MRPS9: variants seen among roughly 807,000 people sequenced by gnomAD.
The protein encoded by MRPS9 is mitochondrial ribosomal protein S9.
A neutral mutation model predicts 59.9 loss-of-function variants in MRPS9; 45 were observed. The ratio of observed to expected loss-of-function variants is 0.75; its 90% confidence interval spans 0.59 to 0.96. The LOEUF is 0.96. MRPS9 is among the 40% of genes least tolerant of loss of function. MRPS9 has a pLI of 0.00. For missense variants in MRPS9, 473 were observed against 481.1 expected, an observed-to-expected ratio of 0.98 and a Z score of 0.16; for synonymous variants, 171 against 166.8, an observed-to-expected ratio of 1.03 and a Z score of -0.19.
chr2:105,047,636 AAGGTTGAGAACTAC>A (rs1679617141), intron 1 of MRPS9, among the ~76,000 whole-genome samples: 1 of 152,066 alleles, frequency 6.6e-6, no homozygotes, highest in African/African-American at 2.4e-5. Context: ...GGCCAGGATG[AAGGTTGAGAACTAC>A]AGGTTTGAGA....
At chr2:105,066,799 C>T (rs936083631) in intron 2 of MRPS9, among the ~76,000 whole-genome samples, 1 of 152,070 alleles carries the variant, frequency 6.6e-6, no homozygotes. Context: ...TGACTGAGAA[C>T]GAGGCCTGAG....
At chr2:105,074,205 T>TA (rs1491071763) in intron 4 of MRPS9, among the ~76,000 whole-genome samples, 2 of 151,954 alleles carry the variant, frequency 1.3e-5, no homozygotes, top group Non-Finnish European at 2.9e-5. Context: ...TAAGAAAGAC[T>TA]GAATATAAAT....
rs1022301070 is a variant in MRPS9 at position 105,099,694 on chromosome 2, G to A, written c.1124G>A (p.Arg375His). ...RQAGLLTTDP[R>H]VRERKKPGQE... ...GCTGGACTACTTACTACTGATCCAC[G>A]TGTGAGGGAACGGAAGAAGCCAGGC... The change falls in exon 11 of 11, where the codon CGT (arginine) becomes CAT (histidine). Residue 375 changes from arginine to histidine, a missense_variant. Physicochemically the swap from Arg to His is conservative, Grantham distance 29 (BLOSUM62 0). Transcript: ENST00000258455. 1.7e-5 allele frequency: 28 copies of A among 1,614,090 alleles called. No individual in the cohort carries two copies. Among genetic ancestry groups the A allele is most frequent in the Non-Finnish European group, 2.2e-5 (26 of 1,180,016 alleles).
At chr2:105,050,126 AT>A (rs1348993518) in intron 2 of MRPS9, among the ~76,000 whole-genome samples, 2 of 150,518 alleles carry the variant, frequency 1.3e-5, no homozygotes, top group Admixed American at 6.7e-5. Flanking sequence ...AACCAGAAGG[AT>A]TTTTTTCTTT....
At position 105,066,823 on chromosome 2, in the gene MRPS9, A is replaced by C. The variant is rs568580272; in HGVS notation, c.316-4490A>C. The stretch of plus-strand genomic sequence containing the variant: ...ACGAGGCCTGAGGTCTAGATGGCCC[A>C]CAAGTGCTGTAGGCTAGTGTTGGCT... On this transcript the variant is annotated intron_variant, in intron 2 of 10. Transcript: ENST00000258455. Among the ~76,000 whole-genome samples, 18 of 152,288 alleles carry C rather than the reference A, an allele frequency of 1.2e-4. No individual in the cohort carries two copies. The East Asian group carries it at 3.3e-3, about 28-fold the overall frequency.
At chr2:105,057,505 A>G (rs11895677) in intron 2 of MRPS9, among the ~76,000 whole-genome samples, 89 of 152,308 alleles carry the variant, frequency 5.8e-4, no homozygotes, top group African/African-American at 1.8e-3. Flanking sequence ...ATGGAAACTG[A>G]AGAACTAAGC....
At chr2:105,043,798 C>T (rs1679543532) in intron 1 of MRPS9, among the ~76,000 whole-genome samples, 1 of 151,236 alleles carries the variant, frequency 6.6e-6, no homozygotes, top group African/African-American at 2.4e-5. Context: ...CCACACCCAG[C>T]TGATTTTTAT....
rs182513526 is a variant in MRPS9, at chr2:105,042,058, A to T, written c.135+3831A>T. Among the ~76,000 whole-genome samples the T allele has an allele frequency of 5.0e-3, 758 of 152,294 alleles. 3 individuals carry two copies. Among genetic ancestry groups the T allele is most frequent in the Non-Finnish European group, 7.8e-3 (532 of 68,004 alleles). On this transcript the variant is annotated intron_variant, in intron 1 of 10. Transcript: ENST00000258455. ...AGGATGATGAACGTATCAGTTATTT[A>T]TTGCTACATAACAAATTATCCTAAA...
chr2:105,097,576 C>A (rs112952528), intron 10 of MRPS9, among the ~76,000 whole-genome samples: 11 of 152,166 alleles, frequency 7.2e-5, no homozygotes, highest in African/African-American at 2.4e-4. Context: ...ATGTTCAGTT[C>A]CAAGGTCAGG....
At chr2:105,073,557 A>T (rs1680153541) in intron 4 of MRPS9, among the ~76,000 whole-genome samples, 1 of 152,140 alleles carries the variant, frequency 6.6e-6, no homozygotes, top group Non-Finnish European at 1.5e-5. Context: ...ATAGATTTTG[A>T]CACTTATAGT....
chr2:105,078,694 C>G (rs964407028), intron 4 of MRPS9, among the ~76,000 whole-genome samples: 1 of 152,088 alleles, frequency 6.6e-6, no homozygotes, highest in Non-Finnish European at 1.5e-5. Flanking sequence ...AGACATCCTA[C>G]ATATAATACA....
intron 5 of MRPS9, among the ~76,000 whole-genome samples, chr2:105,087,660 G>A (rs367577639): frequency 8.5e-4 from 130 of 152,130 alleles, no homozygotes; most frequent in African/African-American, 3.0e-3. Flanking sequence ...AATCTCCCCA[G>A]CCAAAAGGAA....
intron 5 of MRPS9, among the ~76,000 whole-genome samples, chr2:105,081,562 C>A (rs1680348202): frequency 6.6e-6 from 1 of 152,146 alleles, no homozygotes; most frequent in South Asian, 2.1e-4. Context: ...AACCCAAGGG[C>A]AAGATATTTT....
chr2:105,078,608 T>C (rs1296782807), intron 4 of MRPS9, among the ~76,000 whole-genome samples: 1 of 152,126 alleles, frequency 6.6e-6, no homozygotes, highest in Non-Finnish European at 1.5e-5. Flanking sequence ...AAGAATTTGG[T>C]TTTTCAAGCT....
At chr2:105,091,650 T>A (rs1229752317) in intron 7 of MRPS9, among the ~76,000 whole-genome samples, 3 of 152,234 alleles carry the variant, frequency 2.0e-5, no homozygotes, top group African/African-American at 7.2e-5. Flanking sequence ...TATAAAAAAC[T>A]GAGTTTCACA....
Position 105,038,144 on chromosome 2 carries a change from C to G in MRPS9, c.52C>G (p.Leu18Val). The change falls in exon 1 of 11, where the codon CTC becomes GTC. Residue 18 changes from leucine (L) to valine (V), a missense_variant. Transcript: ENST00000258455. Reference sequence around the variant, plus strand: ...CGGAGCAGTTTCGTACCGGCTTCTTCTCTGGGGTAGGGGTAGCCTCGCCCG... The same window carrying G: ...CGGAGCAGTTTCGTACCGGCTTCTTGTCTGGGGTAGGGGTAGCCTCGCCCG... Reference protein sequence around the residue: ...YGGAVSYRLLLWGRGSLARKQ... With the variant: ...YGGAVSYRLLVWGRGSLARKQ... The G allele has an allele frequency of 6.2e-7, 1 of 1,613,876 alleles. No homozygotes were observed. Among genetic ancestry groups the G allele is most frequent in the Non-Finnish European group, 8.5e-7 (1 of 1,179,946 alleles).
chr2:105,086,709 C>T (rs1045927901), intron 5 of MRPS9, among the ~76,000 whole-genome samples: 1 of 152,158 alleles, frequency 6.6e-6, no homozygotes, highest in African/African-American at 2.4e-5. Context: ...GGACTCTGGA[C>T]GCGGCAGCTG....
intron 2 of MRPS9, among the ~76,000 whole-genome samples, chr2:105,069,677 G>T (rs1296830959): frequency 6.6e-6 from 1 of 152,142 alleles, no homozygotes; most frequent in East Asian, 1.9e-4. Context: ...TGCTGTATAT[G>T]ATGTGAGGTT....
chr2:105,082,272 G>A (rs1386489682), intron 5 of MRPS9, among the ~76,000 whole-genome samples: 1 of 152,168 alleles, frequency 6.6e-6, no homozygotes, highest in African/African-American at 2.4e-5. Context: ...CAGGGTAACA[G>A]ACACTAAGCC....
Sources: gnomAD v4.1 joint callset for allele counts (sites outside exome capture counted in the v4.1 genomes callset) on GRCh38, gnomAD v4.1.1 for gene constraint, MANE v1.5 for transcripts, NCBI Gene and HGNC (gene_info 2026-07-23, HGNC 2026-07-21) for gene names.